The following GYG1 variants were observed in gnomAD, a reference collection of about 807,000 sequenced individuals.
GYG1 encodes glycogenin-1.
GYG1 carries 44 observed loss-of-function variants against 41.9 expected under a neutral mutation model. The observed-to-expected ratio is 1.05, with a 90% CI of 0.83 to 1.35. GYG1 has a LOEUF of 1.35. Among genes scored for constraint, GYG1 ranks in the 40% most tolerant of loss-of-function variants. GYG1 has a pLI of 0.00. For synonymous variants in GYG1, 141 were observed against 158.1 expected, an observed-to-expected ratio of 0.89 and a Z score of 0.81; for missense variants, 429 against 418.9, an observed-to-expected ratio of 1.02 and a Z score of -0.21.
At chr3:149,010,630 G>A (rs1010519003) in intron 5 of GYG1, among the ~76,000 whole-genome samples, 2 of 152,078 alleles carry the variant, frequency 1.3e-5, no homozygotes, top group Non-Finnish European at 1.5e-5. Flanking sequence ...CCCGGCCCCT[G>A]GTGCAGTTCT....
chr3:149,010,573 C>T (rs1234858691), intron 5 of GYG1, among the ~76,000 whole-genome samples: 1 of 151,878 alleles, frequency 6.6e-6, no homozygotes, highest in Non-Finnish European at 1.5e-5. Context: ...GTGATCTGCC[C>T]ACCTTGCCTT....
intron 5 of GYG1, among the ~76,000 whole-genome samples, chr3:149,021,757 CCTAA>C (rs1027769070): frequency 1.2e-4 from 18 of 151,412 alleles, no homozygotes; most frequent in Admixed American, 4.6e-4. Context: ...TTAACCAGTT[CCTAA>C]CTTTTTTTTT....
rs941274217 is a variant in GYG1 at position 149,030,380 on chromosome 3, A to G, written c.*3447A>G. The G allele has an allele frequency of 1.3e-5, 2 of 152,192 alleles. No homozygotes were observed. Among genetic ancestry groups the G allele is most frequent in the Non-Finnish European group, 2.9e-5 (2 of 68,020 alleles). The allele number at this position is 152,192 out of a possible 1,614,324, so 9.4% of individuals were successfully genotyped here. A position where few individuals can be genotyped will look rare whatever the true frequency, so the allele number is the denominator to read the frequency against. On this transcript the variant is annotated 3_prime_UTR_variant, in exon 8 of 8. Transcript: ENST00000345003. ...ATATAACAACATCTAACAGAACTGT[A>G]CAAAACAAAGAGACATTTTTTAAAC...
chr3:149,030,097 G>C lies in GYG1; in HGVS notation c.*3164G>C, dbSNP rs1221964783. Reference sequence around the variant, plus strand: ...ATGAAGGATTTTATTTGAAGATAAAGTCAAAATTATGGCACCGAGGAAGGT... The same window carrying C: ...ATGAAGGATTTTATTTGAAGATAAACTCAAAATTATGGCACCGAGGAAGGT... On this transcript the variant is annotated 3_prime_UTR_variant, in exon 8 of 8. Coordinates refer to ENST00000345003, the MANE Select transcript of GYG1 (RefSeq NM_004130.4). 2 of 152,090 alleles carry C rather than the reference G, an allele frequency of 1.3e-5. No homozygotes were observed. Among genetic ancestry groups the C allele is most frequent in the Admixed American group, 1.3e-4 (2 of 15,276 alleles). 9.4% of individuals were successfully genotyped at this position (152,090 alleles called of 1,614,324 possible).
chr3:148,994,225 A>G lies in GYG1; in HGVS notation c.91A>G (p.Thr31Ala), dbSNP rs758050060. ...GGGATCATCTCTGAAACAGCACAGG[A>G]CCACCAGGAGGCTGGTCGTGCTCGC... ...VLGSSLKQHR[T>A]TRRLVVLATP... The change falls in exon 2 of 8, where the codon ACC (threonine) becomes GCC (alanine). Residue 31 changes from threonine to alanine, a missense_variant. Physicochemically the swap from Thr to Ala is moderately conservative, Grantham distance 58. Coordinates refer to ENST00000345003, the MANE Select transcript of GYG1 (RefSeq NM_004130.4). 17 of 1,613,888 alleles carry G rather than the reference A, an allele frequency of 1.1e-5. No homozygotes were observed. The Admixed American group carries it at 2.7e-4, about 25-fold the overall frequency.
In GYG1 at chr3:148,996,907, A is replaced by C. The variant is rs1396131111; in HGVS notation, c.481+3A>C. 1 of 1,607,340 alleles carries C rather than the reference A, an allele frequency of 6.2e-7. No individual in the cohort carries two copies. Among genetic ancestry groups the C allele is most frequent in the Non-Finnish European group, 8.5e-7 (1 of 1,173,902 alleles). On this transcript the variant is annotated splice_donor_region_variant and intron_variant, in intron 4 of 7. Transcript: ENST00000345003. ...TTCTGAGCAAGGTAGTTTTGATGGTATGTATTTGCTATCTTCATGTCTGAT... is the reference window on the plus strand; with the variant it reads ...TTCTGAGCAAGGTAGTTTTGATGGTCTGTATTTGCTATCTTCATGTCTGAT...
chr3:149,001,383 C>T (rs764077510), intron 4 of GYG1: 21 of 152,124 alleles, frequency 1.4e-4, no homozygotes, highest in Non-Finnish European at 2.6e-4. Context: ...AATGAGCACA[C>T]GTAAGTTTTT....
At chr3:149,012,946 C>T (rs1215264426) in intron 5 of GYG1, among the ~76,000 whole-genome samples, 1 of 151,678 alleles carries the variant, frequency 6.6e-6, no homozygotes, top group Non-Finnish European at 1.5e-5. Context: ...CTGCCTCAGC[C>T]TCCTGATGAG....
At chr3:149,009,216 T>C in intron 4 of GYG1, 60 bp from the exon 5 acceptor site, 2 of 1,315,514 alleles carry the variant, frequency 1.5e-6, no homozygotes, top group Non-Finnish European at 2.2e-6. Flanking sequence ...TATGTGCTCC[T>C]ATAAAATTAT....
Position 149,031,587 on chromosome 3 carries a change from T to C in GYG1, c.*4654T>C, listed in dbSNP as rs575946972. ...TACTACTTAACTAAAATGGAAAAAA[T>C]AGTACTCTTAACATAATCCCTAATT... On this transcript the variant is annotated 3_prime_UTR_variant, in exon 8 of 8. Transcript: ENST00000345003. 6 of 152,456 alleles carry C rather than the reference T, an allele frequency of 3.9e-5. No homozygotes were observed. Among genetic ancestry groups the C allele is most frequent in the East Asian group, 1.9e-4 (1 of 5,182 alleles). The allele number at this position is 152,456 out of a possible 1,614,324, so 9.4% of individuals were successfully genotyped here. A position where few individuals can be genotyped will look rare whatever the true frequency, so the allele number is the denominator to read the frequency against.
chr3:149,020,728 A>G (rs547675613), intron 5 of GYG1, among the ~76,000 whole-genome samples: 28 of 152,350 alleles, frequency 1.8e-4, no homozygotes, highest in African/African-American at 6.5e-4. Flanking sequence ...CTATCATGTT[A>G]TGACTATGTA....
At chr3:149,007,576 C>G (rs556165551) in intron 4 of GYG1, among the ~76,000 whole-genome samples, 164 of 152,280 alleles carry the variant, frequency 1.1e-3, no homozygotes, top group African/African-American at 3.4e-3. Context: ...AACCTAAAGT[C>G]CTGATCTTAC....
chr3:149,026,895 G>C lies in GYG1; in HGVS notation c.1015G>C (p.Asp339His). 6.2e-7 allele frequency: 1 copy of C among 1,613,596 alleles called. No individual in the cohort carries two copies. The highest frequency in any genetic ancestry group is 8.5e-7 in the Non-Finnish European group (1 of 1,179,508). The change falls in exon 8 of 8, where the codon GAC (aspartate) becomes CAC (histidine). Residue 339 changes from aspartate (D) to histidine (H), a missense_variant. Asp to His is a moderately conservative substitution (Grantham distance 81, BLOSUM62 -1). Transcript: ENST00000345003. Reference sequence around the variant, plus strand: ...TGATTATATGGGAGCAGATTCCTTTGACAACATCAAGAGGAAACTTGACAC... The same window carrying C: ...TGATTATATGGGAGCAGATTCCTTTCACAACATCAAGAGGAAACTTGACAC... Reference protein sequence around the residue: ...QADYMGADSFDNIKRKLDTYL... With the variant: ...QADYMGADSFHNIKRKLDTYL...
At chr3:149,022,498 C>CTTTT (rs71617495) in intron 5 of GYG1, among the ~76,000 whole-genome samples, 791 of 69,540 alleles carry the variant, frequency 0.011, 123 homozygotes, top group African/African-American at 0.044. Context: ...CTTGTTTTGC[C>CTTTT]TTTTTTTTTT....
At chr3:148,992,598 T>G (rs1450920929) in intron 1 of GYG1, 1 of 152,288 alleles carries the variant, frequency 6.6e-6, no homozygotes, top group African/African-American at 2.4e-5. Context: ...GCCTGGAACC[T>G]GGACTTCATT....
intron 4 of GYG1, among the ~76,000 whole-genome samples, chr3:149,003,492 TC>T (rs1357338281): frequency 3.3e-5 from 5 of 152,200 alleles, no homozygotes; most frequent in Non-Finnish European, 7.3e-5. Flanking sequence ...ATCTGAATCT[TC>T]CTATTATGTG....
chr3:149,000,454 A>G (rs1158658143), intron 4 of GYG1, among the ~76,000 whole-genome samples: 2 of 152,210 alleles, frequency 1.3e-5, no homozygotes, highest in Non-Finnish European at 2.9e-5. Flanking sequence ...CTAAGAGGGG[A>G]AGAGAGAGCT....
intron 6 of GYG1, among the ~76,000 whole-genome samples, chr3:149,026,195 T>C (rs577410295): frequency 6.6e-6 from 1 of 152,354 alleles, no homozygotes; most frequent in South Asian, 2.1e-4. Context: ...CAGATGCTAC[T>C]TGGTAATCCA....
rs376146877 is a variant in GYG1 at position 149,015,096 on chromosome 3, G to A, written c.608+5694G>A. On this transcript the variant is annotated intron_variant, in intron 5 of 7. Coordinates refer to ENST00000345003, the MANE Select transcript of GYG1 (RefSeq NM_004130.4). Reference sequence around the variant, plus strand: ...CAAATGTGACTGTTACAGGTTTGTGGTCTAAGTGACTGGAATGATAGAGTT... The same window carrying A: ...CAAATGTGACTGTTACAGGTTTGTGATCTAAGTGACTGGAATGATAGAGTT... Among the ~76,000 whole-genome samples the A allele has an allele frequency of 3.3e-5, 5 of 152,266 alleles. No individual in the cohort carries two copies. In the East Asian group the frequency reaches 7.7e-4, roughly 23 times the overall value.
Sources: gnomAD v4.1 joint callset for allele counts (sites outside exome capture counted in the v4.1 genomes callset) on GRCh38, gnomAD v4.1.1 for gene constraint, MANE v1.5 for transcripts, NCBI Gene and HGNC (gene_info 2026-07-23, HGNC 2026-07-21) for gene names.